PPP2R5C: variants seen among roughly 807,000 people sequenced by gnomAD.
PPP2R5C encodes protein phosphatase 2 regulatory subunit B'gamma, also known as serine/threonine-protein phosphatase 2A 56 kDa regulatory subunit gamma isoform.
A neutral mutation model predicts 68.9 loss-of-function variants in PPP2R5C; 7 were observed. The observed-to-expected ratio is 0.10, with a 90% confidence interval of 0.06 to 0.19. PPP2R5C has a LOEUF of 0.19. PPP2R5C is among the 10% of genes least tolerant of loss of function. PPP2R5C has a pLI of 1.00. For missense variants in PPP2R5C, 348 were observed against 641.3 expected (o/e 0.54, Z 4.94); for synonymous variants, 210 against 222.2 (o/e 0.95, Z 0.49).
At chr14:101,783,448 C>T (rs979459689) in intron 2 of PPP2R5C, among the ~76,000 whole-genome samples, 1 of 151,442 alleles carries the variant, frequency 6.6e-6, no homozygotes, top group African/African-American at 2.4e-5. Flanking sequence ...CACCAGGTCA[C>T]GGTGTTGTGG....
intron 1 of PPP2R5C, among the ~76,000 whole-genome samples, chr14:101,855,944 A>G (rs1324610349): frequency 6.6e-6 from 1 of 152,258 alleles, no homozygotes. Context: ...GGCCCAGGTA[A>G]GCACTCACTA....
chr14:101,771,125 T>C (rs7143285), intron 2 of PPP2R5C, among the ~76,000 whole-genome samples: 15,640 of 152,072 alleles, frequency 0.1, 984 homozygotes, highest in African/African-American at 0.16. Flanking sequence ...ATCTTCATGT[T>C]CTCCACCTGG....
At chr14:101,795,931 T>C (rs771960699) in intron 3 of PPP2R5C, among the ~76,000 whole-genome samples, 32 of 152,160 alleles carry the variant, frequency 2.1e-4, no homozygotes, top group Non-Finnish European at 3.1e-4. Flanking sequence ...CAAGCAGTCC[T>C]CCCAGCTCAG....
intron 1 of PPP2R5C, among the ~76,000 whole-genome samples, chr14:101,844,947 G>A (rs1004088800): frequency 6.6e-6 from 1 of 152,176 alleles, no homozygotes; most frequent in African/African-American, 2.4e-5. Context: ...AGTGGAAGAT[G>A]AAGCGATAAC....
intron 9 of PPP2R5C, among the ~76,000 whole-genome samples, chr14:101,904,087 G>T (rs79556778): frequency 0.12 from 17,914 of 152,164 alleles, 1,505 homozygotes; most frequent in East Asian, 0.3. Flanking sequence ...TCTAAATCAG[G>T]CTTAAAATAT....
At chr14:101,883,630 T>C (rs2140904511) in intron 5 of PPP2R5C, 68 bp downstream of exon 7, 1 of 1,553,834 alleles carries the variant, frequency 6.4e-7, no homozygotes. Context: ...GATGCTCCCC[T>C]ACCCCATCGT....
At chr14:101,852,481 T>A (rs2042222509) in intron 1 of PPP2R5C, among the ~76,000 whole-genome samples, 2 of 148,666 alleles carry the variant, frequency 1.3e-5, no homozygotes, top group Non-Finnish European at 3.0e-5. Flanking sequence ...TTTTTTTTTT[T>A]TTTTTGAGAC....
rs1349702077 is a variant in PPP2R5C at position 101,772,952 on chromosome 14, A to G, written c.93+9982A>G. Reference sequence around the variant, plus strand: ...GAACACGGAAGCTGTGCAATGTGGCAGAGGCTGGGCTCTGGAGTCAGGTCC... The same window carrying G: ...GAACACGGAAGCTGTGCAATGTGGCGGAGGCTGGGCTCTGGAGTCAGGTCC... On this transcript the variant is annotated intron_variant, in intron 2 of 14. Coordinates refer to the PPP2R5C transcript ENST00000328724. Among the ~76,000 whole-genome samples the G allele has an allele frequency of 2.0e-5, 3 of 152,242 alleles. No homozygotes were observed. The South Asian group carries it at 6.2e-4, about 32-fold the overall frequency.
At chr14:101,848,840 A>C (rs1471739311) in intron 1 of PPP2R5C, among the ~76,000 whole-genome samples, 2 of 152,212 alleles carry the variant, frequency 1.3e-5, no homozygotes, top group African/African-American at 4.8e-5. Flanking sequence ...ATGTATCTTT[A>C]GCCTTTGTTA....
chr14:101,796,478 T>C (rs1408257411), intron 3 of PPP2R5C: 5 of 152,528 alleles, frequency 3.3e-5, no homozygotes, highest in African/African-American at 1.2e-4. Context: ...TTCAGAGCGA[T>C]GACCCAAGGT....
At chr14:101,806,886 C>T (rs2039099787), upstream of PPP2R5C, among the ~76,000 whole-genome samples, 1 of 152,158 alleles carries the variant, frequency 6.6e-6, no homozygotes, top group South Asian at 2.1e-4. Context: ...CACTTGGGCC[C>T]AGGAGGCCGA....
chr14:101,775,213 A>G (rs1462383686), intron 2 of PPP2R5C, among the ~76,000 whole-genome samples: 3 of 152,242 alleles, frequency 2.0e-5, no homozygotes, highest in Non-Finnish European at 4.4e-5. Flanking sequence ...GCCCTGCCCA[A>G]CTGAACAATA....
At chr14:101,851,643 C>A (rs967728731) in intron 1 of PPP2R5C, among the ~76,000 whole-genome samples, 1 of 152,100 alleles carries the variant, frequency 6.6e-6, no homozygotes, top group Non-Finnish European at 1.5e-5. Context: ...AGCTGTGTCT[C>A]CTTGCTCCAT....
At chr14:101,911,937 G>A (rs923970838) in intron 11 of PPP2R5C, among the ~76,000 whole-genome samples, 2 of 151,556 alleles carry the variant, frequency 1.3e-5, no homozygotes, top group South Asian at 2.1e-4. Flanking sequence ...CATGTGACTC[G>A]CAGTGGAGTC....
intron 3 of PPP2R5C, among the ~76,000 whole-genome samples, chr14:101,793,793 G>A (rs933400738): frequency 6.6e-6 from 1 of 152,218 alleles, no homozygotes; most frequent in Admixed American, 6.5e-5. Context: ...GTAAATGCAG[G>A]GGATTTTATT....
chr14:101,927,184 A>T (rs537773530), exon 14 of PPP2R5C: 1 of 151,630 alleles, frequency 6.6e-6, no homozygotes, highest in African/African-American at 2.4e-5. Context: ...TTCTGGGAAG[A>T]CTCTCTTTTT....
rs11846832 is a variant in PPP2R5C, at chr14:101,814,790, T to A, written c.94+4754T>A. 5.9e-3 allele frequency among the ~76,000 whole-genome samples: 906 copies of A among 152,326 alleles called. 9 individuals carry two copies. The highest frequency in any genetic ancestry group is 0.021 in the African/African-American group (868 of 41,566). ...ACATCCTAACTTTTGGTTCCATATG[T>A]CAAATAAAATTGCGAGGTGGTTCTT... On this transcript the variant is annotated intron_variant, in intron 1 of 13. Coordinates refer to ENST00000334743, the Ensembl canonical transcript of PPP2R5C.
intron 10 of PPP2R5C, among the ~76,000 whole-genome samples, chr14:101,908,621 G>A (rs189202696): frequency 2.2e-4 from 33 of 151,762 alleles, no homozygotes; most frequent in Non-Finnish European, 3.5e-4. Context: ...TGACCCACCC[G>A]CCTCAGCCTC....
chr14:101,782,794 G>C (rs1338105057), intron 2 of PPP2R5C, among the ~76,000 whole-genome samples: 6 of 3,924 alleles, frequency 1.5e-3, no homozygotes, highest in African/African-American at 0.01. Flanking sequence ...CCTTCCCCCT[G>C]CCTCTCTTTC....
Sources: gnomAD v4.1 joint callset for allele counts (sites outside exome capture counted in the v4.1 genomes callset) on GRCh38, gnomAD v4.1.1 for gene constraint, MANE v1.5 for transcripts, NCBI Gene and HGNC (gene_info 2026-07-23, HGNC 2026-07-21) for gene names.